Variants in FAN1 observed in about 807,000 individuals in gnomAD.
The protein encoded by FAN1 is FANCD2 and FANCI associated nuclease 1, also known as fanconi-associated nuclease 1.
In FAN1, 91 loss-of-function variants were observed where a neutral mutation model predicts 104.9. The observed-to-expected ratio is 0.87, with a 90% CI of 0.73 to 1.03. The LOEUF (loss-of-function observed/expected upper bound fraction) is 1.03, where lower values mean the gene tolerates loss of function less well. FAN1 is among the 50% of genes least tolerant of loss of function. The pLI, the probability that FAN1 is intolerant of heterozygous loss-of-function variation, is 0.00. For synonymous variants in FAN1, 478 were observed against 457.6 expected, an observed-to-expected ratio of 1.04 and a Z score of -0.57; for missense variants, 1,263 against 1,239.9, an observed-to-expected ratio of 1.02 and a Z score of -0.28.
Position 30,905,718 on chromosome 15 carries a change from C to T in FAN1, c.1055C>T (p.Pro352Leu). 6.2e-7 allele frequency: 1 copy of T among 1,614,134 alleles called. No homozygotes were observed. Among genetic ancestry groups the T allele is most frequent in the Non-Finnish European group, 8.5e-7 (1 of 1,180,006 alleles). The change falls in exon 2 of 15, where the codon CCT (proline) becomes CTT (leucine). Residue 352 changes from proline to leucine, a missense_variant. Physicochemically the swap from Pro to Leu is moderately conservative, Grantham distance 98. Around this residue, in one of 2 missense-constraint regions of FAN1, gnomAD observed 682 missense variants for 571.1 expected, o/e 1.19. Transcript: ENST00000362065. The part of the protein sequence containing the change: ...QDDSCLNNDI[P>L]HSIPLEQGSS... ...GACAGTTGCTTAAACAATGATATCC[C>T]TCACAGCATTCCTTTGGAGCAGGGG...
chr15:30,940,866 A>C, intron 14 of FAN1: 2 of 992,138 alleles, frequency 2.0e-6, no homozygotes, highest in Non-Finnish European at 2.4e-6. Flanking sequence ...TAAAATTAAC[A>C]GTGCATATCA....
intron 13 of FAN1, among the ~76,000 whole-genome samples, chr15:30,932,839 A>G (rs1595883665): frequency 6.8e-6 from 1 of 147,328 alleles, no homozygotes; most frequent in Admixed American, 6.8e-5. Context: ...CAGCCTCCCT[A>G]GTAGCTGGGA....
chr15:30,929,489 T>G (rs1366434168), intron 12 of FAN1, 92 bp downstream of exon 12: 8 of 850,688 alleles, frequency 9.4e-6, no homozygotes, highest in African/African-American at 3.6e-5. Flanking sequence ...TACACATGTG[T>G]GTATATGTAA....
rs1404387030 is a variant in FAN1 at position 30,905,357 on chromosome 15, A to G, written c.694A>G (p.Arg232Gly). The G allele has an allele frequency of 6.2e-7, 1 of 1,614,068 alleles. No individual in the cohort carries two copies. The change falls in exon 2 of 15, where the codon AGA becomes GGA. Residue 232 changes from arginine (R) to glycine (G), a missense_variant. By Grantham distance (125) the Arg-to-Gly change is moderately radical. This residue lies in a region of FAN1 where 682 missense variants were observed against 571.1 expected (regional missense o/e 1.19). Transcript: ENST00000362065. The part of the protein sequence containing the change: ...KEECIPEHMV[R>G]GSKIMEAESQ... ...AGAGTGCATTCCTGAACATATGGTA[A>G]GAGGAAGTAAAATAATGGAAGCCGA...
Position 30,914,106 on chromosome 15 carries a change from G to C in FAN1, c.1811+15G>C. ...GATCTTATCAGGTAAGATGATGTTA[G>C]CTCACTATAATGTCTATATGTGTAT... is the stretch of plus-strand genomic sequence containing the variant. On this transcript the variant is annotated intron_variant, in intron 5 of 14. Transcript: ENST00000362065. 6.4e-7 allele frequency: 1 copy of C among 1,552,824 alleles called. No individual in the cohort carries two copies. Among genetic ancestry groups the C allele is most frequent in the Non-Finnish European group, 8.9e-7 (1 of 1,125,178 alleles).
chr15:30,929,051 A>G, intron 11 of FAN1, 152 bp from the exon 12 acceptor site: 2 of 761,874 alleles, frequency 2.6e-6, no homozygotes, highest in Non-Finnish European at 4.1e-6. Flanking sequence ...AGTTTAATAA[A>G]TTGCTTTTAT....
chr15:30,922,509 GAATACCAGGGATGCCAGC>G, intron 8 of FAN1, among the ~76,000 whole-genome samples, 155 bp downstream of exon 8: 1 of 152,178 alleles, frequency 6.6e-6, no homozygotes, highest in Non-Finnish European at 1.5e-5. Flanking sequence ...AACCCCAAAA[GAATACCAGGGATGCCAGC>G]ACAGCATGAG....
Position 30,929,247 on chromosome 15 carries a change from A to ACGCC in FAN1, c.2639_2642dup (p.Ala882ProfsTer4). The ACGCC allele has an allele frequency of 6.2e-7, 1 of 1,613,432 alleles. No homozygotes were observed. Among genetic ancestry groups the ACGCC allele is most frequent in the Non-Finnish European group, 8.5e-7 (1 of 1,179,762 alleles). ...GCACAGACAGCTTCTTCACAAGCAG[A>ACGCC]CGCCCAGCCCTTGAGGCCAGGCTGC... On this transcript the variant is annotated frameshift_variant, in exon 12 of 15. Transcript: ENST00000362065. LOFTEE classifies it high-confidence loss of function.
At chr15:30,939,019 T>A in intron 14 of FAN1, 11 of 985,350 alleles carry the variant, frequency 1.1e-5, no homozygotes, top group Non-Finnish European at 1.3e-5. Context: ...ATAACACATC[T>A]TCTTGCTCAT....
rs1165243903 is a variant in FAN1 at position 30,905,379 on chromosome 15, C to T, written c.716C>T (p.Ala239Val). Residue 239 changes from alanine to valine, a missense_variant, in exon 2 of 15, where the codon GCC (alanine) becomes GTC (valine). Around this residue, in one of 2 missense-constraint regions of FAN1, gnomAD observed 682 missense variants for 571.1 expected, o/e 1.19. Coordinates refer to ENST00000362065, the MANE Select transcript of FAN1 (RefSeq NM_014967.5). The stretch of plus-strand genomic sequence containing the variant: ...GTAAGAGGAAGTAAAATAATGGAAG[C>T]CGAAAGCCAAAAGGCTACCCGGGAA... ...HMVRGSKIME[A>V]ESQKATRECE... 3 of 1,613,886 alleles carry T rather than the reference C, an allele frequency of 1.9e-6. No individual in the cohort carries two copies. The highest frequency in any genetic ancestry group is 2.2e-5 in the South Asian group (2 of 91,088).
Position 30,930,953 on chromosome 15 carries a change from G to A in FAN1, c.2916+282G>A, listed in dbSNP as rs113006167. Among the ~76,000 whole-genome samples, 621 of 152,304 alleles carry A rather than the reference G, an allele frequency of 4.1e-3. 4 individuals are homozygous for A. Among genetic ancestry groups the A allele is most frequent in the African/African-American group, 0.014 (594 of 41,566 alleles). On this transcript the variant is annotated intron_variant, in intron 13 of 14. Coordinates refer to ENST00000362065, the MANE Select transcript of FAN1 (RefSeq NM_014967.5). The stretch of plus-strand genomic sequence containing the variant: ...CCTGCTGTATTCTGTGGTTAGGAAC[G>A]AGTCTCTAGTCCAGCTGACACTCAA...
In FAN1 at chr15:30,942,202, C is replaced by CT; in HGVS notation, c.*642dup. 8.7e-7 allele frequency: 1 copy of CT among 1,151,848 alleles called. No homozygotes were observed. Among genetic ancestry groups the CT allele is most frequent in the Non-Finnish European group, 1.2e-6 (1 of 817,566 alleles). 71.4% of individuals were successfully genotyped at this position (1,151,848 alleles called of 1,614,324 possible). A position where few individuals can be genotyped will look rare whatever the true frequency, so the allele number is the denominator to read the frequency against. ...TCAGCCTCAAAGAACATTTTCCTCC[C>CT]TTCCTTTGTGTCCTTATTCTAATCC... On this transcript the variant is annotated 3_prime_UTR_variant, in exon 15 of 15. Coordinates refer to ENST00000362065, the MANE Select transcript of FAN1 (RefSeq NM_014967.5).
At chr15:30,904,452 G>T in intron 1 of FAN1, 60 bp from the exon 2 acceptor site, 2 of 650,746 alleles carry the variant, frequency 3.1e-6, no homozygotes, top group South Asian at 3.4e-5. Flanking sequence ...TTCAGAGTTC[G>T]CTTTTCCCCT....
At chr15:30,940,318 T>G (rs1294247050) in intron 14 of FAN1, 1 of 985,330 alleles carries the variant, frequency 1.0e-6, no homozygotes, top group African/African-American at 1.7e-5. Context: ...CAACTGTGTC[T>G]GCTCATTCTC....
intron 9 of FAN1, among the ~76,000 whole-genome samples, 166 bp from the exon 10 acceptor site, chr15:30,925,623 G>A (rs535448995): frequency 6.6e-6 from 1 of 152,358 alleles, no homozygotes; most frequent in East Asian, 1.9e-4. Flanking sequence ...CCGGACCAGC[G>A]AACTGTCACA....
chr15:30,940,184 T>C (rs2062991650), intron 14 of FAN1: 1 of 985,232 alleles, frequency 1.0e-6, no homozygotes, highest in Non-Finnish European at 1.2e-6. Context: ...ATGAGGAGTG[T>C]GGGGGAGGTG....
chr15:30,908,207 G>A lies in FAN1; in HGVS notation c.1324G>A (p.Asp442Asn). 1.2e-6 allele frequency: 2 copies of A among 1,610,792 alleles called. No homozygotes were observed. Among genetic ancestry groups the A allele is most frequent in the Non-Finnish European group, 8.5e-7 (1 of 1,178,696 alleles). The change falls in exon 3 of 15, where the codon GAC (aspartate) becomes AAC (asparagine). Residue 442 changes from aspartate (D) to asparagine (N), a missense_variant. By Grantham distance (23) the Asp-to-Asn change is conservative. This residue lies in a region of FAN1 where 682 missense variants were observed against 571.1 expected (regional missense o/e 1.19). Transcript: ENST00000362065. Reference protein sequence around the residue: ...TKLEYEEIALDLTPVIEELTN... With the variant: ...TKLEYEEIALNLTPVIEELTN... ...ATTAGAGTATGAAGAGATTGCCTTA[G>A]ACTTAACACCTGTGATTGAAGAATT...
chr15:30,913,299 GA>G (rs1256617772), intron 4 of FAN1, among the ~76,000 whole-genome samples: 1 of 152,038 alleles, frequency 6.6e-6, no homozygotes, highest in African/African-American at 2.4e-5. Context: ...GTTTCATCCC[GA>G]AACACCTCCC....
intron 14 of FAN1, chr15:30,939,005 C>T: frequency 5.1e-6 from 5 of 985,196 alleles, no homozygotes; most frequent in Non-Finnish European, 2.4e-6. Flanking sequence ...TGTTGAACAA[C>T]AAGATAACAC....
Sources: gnomAD v4.1 joint callset for allele counts (sites outside exome capture counted in the v4.1 genomes callset) on GRCh38, gnomAD v4.1.1 for gene constraint, gnomAD v4.1.1 regional missense constraint, MANE v1.5 for transcripts, NCBI Gene and HGNC (gene_info 2026-07-23, HGNC 2026-07-21) for gene names.